BARD1: variants seen among roughly 807,000 people sequenced by gnomAD.
The protein encoded by BARD1 is BRCA1 associated RING domain 1.
Under a neutral mutation model 77.0 loss-of-function variants are expected in BARD1, and 73 were observed. That is an observed-to-expected ratio of 0.95 (90% CI 0.79 to 1.15). The LOEUF is 1.15. BARD1 is among the 50% of genes most tolerant of loss of function. The pLI, the probability that BARD1 is intolerant of heterozygous loss-of-function variation, is 0.00. For synonymous variants in BARD1, 384 were observed against 338.0 expected, an observed-to-expected ratio of 1.14 and a Z score of -1.49; for missense variants, 993 against 938.8, an observed-to-expected ratio of 1.06 and a Z score of -0.75.
At chr2:214,775,435 T>C (rs1468694468) in intron 4 of BARD1, among the ~76,000 whole-genome samples, 6 of 152,210 alleles carry the variant, frequency 3.9e-5, no homozygotes, top group Non-Finnish European at 8.8e-5. Flanking sequence ...AAGTTTGCCA[T>C]GTTACATGGC....
At chr2:214,786,532 G>C (rs1385538343) in intron 3 of BARD1, among the ~76,000 whole-genome samples, 2 of 151,740 alleles carry the variant, frequency 1.3e-5, no homozygotes, top group Non-Finnish European at 2.9e-5. Flanking sequence ...ATATTTACCT[G>C]GTAAAAGAAC....
intron 3 of BARD1, among the ~76,000 whole-genome samples, chr2:214,782,164 A>T (rs1180694115): frequency 6.6e-6 from 1 of 152,210 alleles, no homozygotes; most frequent in African/African-American, 2.4e-5. Context: ...TTTAGGTATC[A>T]TCTAATATTA....
intron 3 of BARD1, among the ~76,000 whole-genome samples, chr2:214,783,572 G>A (rs570251329): frequency 1.3e-5 from 2 of 152,184 alleles, no homozygotes; most frequent in East Asian, 3.9e-4. Flanking sequence ...GGGGGTTGGG[G>A]GCAAGGGGAG....
At chr2:214,802,087 G>C (rs1033584409) in intron 1 of BARD1, among the ~76,000 whole-genome samples, 1 of 152,136 alleles carries the variant, frequency 6.6e-6, no homozygotes, top group Non-Finnish European at 1.5e-5. Flanking sequence ...ATTTTGTACA[G>C]ATGATCCCTG....
chr2:214,761,309 T>C (rs1408170746), intron 6 of BARD1, among the ~76,000 whole-genome samples: 1 of 151,394 alleles, frequency 6.6e-6, no homozygotes, highest in Non-Finnish European at 1.5e-5. Flanking sequence ...AAAAGCATTC[T>C]GATTACTTTT....
At chr2:214,762,656 A>C (rs10932571) in intron 6 of BARD1, among the ~76,000 whole-genome samples, 63,282 of 151,930 alleles carry the variant, frequency 0.42, 13,232 homozygotes, top group South Asian at 0.5. Flanking sequence ...ATTCATTTAA[A>C]GAATAACACA....
intron 7 of BARD1, 73 bp from the exon 8 acceptor site, chr2:214,745,927 C>T (rs1693094827): frequency 1.3e-6 from 2 of 1,529,798 alleles, no homozygotes; most frequent in East Asian, 2.2e-5. Flanking sequence ...CAGACTGTTA[C>T]TTGATATAAG....
chr2:214,809,043 T>C (rs1696424042), intron 1 of BARD1, among the ~76,000 whole-genome samples: 1 of 152,030 alleles, frequency 6.6e-6, no homozygotes, highest in South Asian at 2.1e-4. Context: ...AGCAGCGGGG[T>C]AATCCAGGGC....
Position 214,781,172 on chromosome 2 carries a change from T to C in BARD1, c.702A>G (p.Glu234=), listed in dbSNP as rs786202878. ...AGAAGGATACCAGCTTTTGCTTAGATTCCTCTTTGGAGTCAAATTCACCAT... is the reference window on the plus strand; with the variant it reads ...AGAAGGATACCAGCTTTTGCTTAGACTCCTCTTTGGAGTCAAATTCACCAT... The part of the protein sequence containing the change: ...KEDGEFDSKE[E]SKQKLVSFCS... The change falls in exon 4 of 11, where the codon GAA becomes GAG. Residue 234 remains glutamate, a synonymous_variant. Transcript: ENST00000260947. The C allele has an allele frequency of 1.9e-6, 3 of 1,582,764 alleles. No homozygotes were observed. The highest frequency in any genetic ancestry group is 1.7e-6 in the Non-Finnish European group (2 of 1,170,366).
At chr2:214,738,317 T>A (rs187890153) in intron 9 of BARD1, among the ~76,000 whole-genome samples, 9 of 152,276 alleles carry the variant, frequency 5.9e-5, no homozygotes, top group African/African-American at 2.2e-4. Context: ...ATTAATTTTT[T>A]ACATATAGGT....
intron 9 of BARD1, among the ~76,000 whole-genome samples, chr2:214,737,621 A>C (rs2106003237): frequency 6.6e-6 from 1 of 152,244 alleles, no homozygotes; most frequent in Admixed American, 6.5e-5. Context: ...AATTGAGTTG[A>C]TTTACTGAAA....
chr2:214,757,717 A>G (rs970911147), intron 6 of BARD1, among the ~76,000 whole-genome samples: 1 of 152,180 alleles, frequency 6.6e-6, no homozygotes, highest in South Asian at 2.1e-4. Flanking sequence ...AAATGTACCA[A>G]CAACTTTTGG....
intron 6 of BARD1, among the ~76,000 whole-genome samples, chr2:214,759,514 T>C (rs1040253961): frequency 6.6e-6 from 1 of 152,152 alleles, no homozygotes; most frequent in Non-Finnish European, 1.5e-5. Flanking sequence ...GACTTTCTTA[T>C]TGTTTTAGCT....
chr2:214,729,045 A>AAAATACTGT, intron 10 of BARD1, 37 bp from the exon 11 acceptor site: 1 of 1,589,620 alleles, frequency 6.3e-7, no homozygotes, highest in East Asian at 2.2e-5. Context: ...AAGGCAGATC[A>AAAATACTGT]AAATACTGTA....
In BARD1 at chr2:214,725,913, A is replaced by G. The variant is rs80043015; in HGVS notation, c.*2763T>C. 5,057 of 225,982 alleles carry G rather than the reference A, an allele frequency of 0.022. 244 individuals carry two copies. The highest frequency in any genetic ancestry group is 0.1 in the African/African-American group (4,649 of 44,970). 14.0% of individuals were successfully genotyped at this position (225,982 alleles called of 1,614,324 possible). ...TTTTCCACACTGACCCATGGAAACA[A>G]TAACAGCTAATGTGGCCCCACTCTC... On this transcript the variant is annotated 3_prime_UTR_variant, in exon 11 of 11. Coordinates refer to ENST00000260947, the MANE Select transcript of BARD1 (RefSeq NM_000465.4).
At chr2:214,754,061 C>T (rs1316146677) in intron 6 of BARD1, among the ~76,000 whole-genome samples, 1 of 152,084 alleles carries the variant, frequency 6.6e-6, no homozygotes, top group Non-Finnish European at 1.5e-5. Flanking sequence ...ATCCACTATT[C>T]TTGATACTTC....
chr2:214,775,572 CAG>C (rs1301313020), intron 4 of BARD1, among the ~76,000 whole-genome samples: 2 of 152,138 alleles, frequency 1.3e-5, no homozygotes, highest in Non-Finnish European at 2.9e-5. Flanking sequence ...AAATGTGACA[CAG>C]AGACACACTG....
At chr2:214,739,269 T>G (rs1370301992) in intron 9 of BARD1, among the ~76,000 whole-genome samples, 3 of 151,924 alleles carry the variant, frequency 2.0e-5, no homozygotes, top group Non-Finnish European at 4.4e-5. Flanking sequence ...AAATACAGAA[T>G]CAAACATCAC....
At chr2:214,732,830 T>A (rs542512973) in intron 9 of BARD1, among the ~76,000 whole-genome samples, 1 of 152,320 alleles carries the variant, frequency 6.6e-6, no homozygotes, top group Admixed American at 6.5e-5. Flanking sequence ...AACTTTCTTC[T>A]TTATTACCCC....
Sources: gnomAD v4.1 joint callset for allele counts (sites outside exome capture counted in the v4.1 genomes callset) on GRCh38, gnomAD v4.1.1 for gene constraint, MANE v1.5 for transcripts, NCBI Gene and HGNC (gene_info 2026-07-23, HGNC 2026-07-21) for gene names.